FOXP1: variants seen among roughly 807,000 people sequenced by gnomAD.
FOXP1 encodes forkhead box P1.
Under a neutral mutation model 98.2 loss-of-function variants are expected in FOXP1, and 15 were observed. That is an observed-to-expected ratio of 0.15 (90% CI 0.10 to 0.24). FOXP1 has a LOEUF of 0.24. FOXP1 is among the 10% of genes least tolerant of loss of function. The probability of loss-of-function intolerance (pLI) is 1.00; values close to 1 mark genes in which losing one functional copy is unlikely to be tolerated. For missense variants in FOXP1, 633 were observed against 848.5 expected (o/e 0.75, Z 3.15); for synonymous variants, 371 against 314.5 (o/e 1.18, Z -1.90).
At chr3:70,969,089 T>C (rs918546160) in intron 19 of FOXP1, 2 of 151,282 alleles carry the variant, frequency 1.3e-5, no homozygotes, top group African/African-American at 2.4e-5. Context: ...ATTAGTCACA[T>C]AGTTAAGAGA....
intron 2 of FOXP1, among the ~76,000 whole-genome samples, chr3:71,563,759 C>T (rs1021076082): frequency 1.3e-5 from 2 of 152,176 alleles, no homozygotes; most frequent in South Asian, 2.1e-4. Context: ...CAAGGTGGAA[C>T]GTCAAAGACA....
chr3:71,027,469 A>G lies in FOXP1; in HGVS notation c.870-11816T>C, dbSNP rs557813380. Among the ~76,000 whole-genome samples, 3 of 152,296 alleles carry G rather than the reference A, an allele frequency of 2.0e-5. No homozygotes were observed. The South Asian group carries it at 6.2e-4, about 32-fold the overall frequency. ...GGCACTTGCTTATGTATTTCCTTAGAATTACTCCCTACTTTATGTAATTAC... is the reference window on the plus strand; with the variant it reads ...GGCACTTGCTTATGTATTTCCTTAGGATTACTCCCTACTTTATGTAATTAC... On this transcript the variant is annotated intron_variant, in intron 11 of 20. Coordinates refer to ENST00000649528, the MANE Select transcript of FOXP1 (RefSeq NM_001349338.3).
At chr3:71,117,913 C>T (rs1352408746) in intron 6 of FOXP1, among the ~76,000 whole-genome samples, 1 of 152,148 alleles carries the variant, frequency 6.6e-6, no homozygotes, top group Non-Finnish European at 1.5e-5. Context: ...GCACTTAGAG[C>T]CCAGTTGCAC....
At chr3:71,100,574 A>G (rs1442394427) in intron 7 of FOXP1, among the ~76,000 whole-genome samples, 1 of 152,220 alleles carries the variant, frequency 6.6e-6, no homozygotes, top group Non-Finnish European at 1.5e-5. Context: ...CCTTCACATC[A>G]TGTGGTTTTT....
intron 7 of FOXP1, among the ~76,000 whole-genome samples, chr3:71,063,849 T>C (rs776795004): frequency 5.3e-5 from 8 of 152,212 alleles, no homozygotes; most frequent in African/African-American, 1.7e-4. Flanking sequence ...AAGGAGTTAA[T>C]CCCAAAGAGG....
At position 71,042,032 on chromosome 3, in the gene FOXP1, T is replaced by A. The variant is rs184815190; in HGVS notation, c.665-500A>T. ...TTTAGACATAAATTATGAATTCATATCGTCTTCCTGAAATGCTTTTCAACT... is the reference window on the plus strand; with the variant it reads ...TTTAGACATAAATTATGAATTCATAACGTCTTCCTGAAATGCTTTTCAACT... On this transcript the variant is annotated intron_variant, in intron 10 of 20. Transcript: ENST00000649528. 2.2e-3 allele frequency among the ~76,000 whole-genome samples: 338 copies of A among 152,336 alleles called. 3 individuals carry two copies. The highest frequency in any genetic ancestry group is 2.7e-3 in the Non-Finnish European group (185 of 68,036).
intron 5 of FOXP1, among the ~76,000 whole-genome samples, chr3:71,265,324 A>C (rs540620309): frequency 2.0e-5 from 3 of 152,338 alleles, no homozygotes; most frequent in South Asian, 4.1e-4. Flanking sequence ...ATAAGAAAGA[A>C]AAGAGAAGGG....
At chr3:71,368,008 T>C (rs1373695320) in intron 3 of FOXP1, among the ~76,000 whole-genome samples, 1 of 152,252 alleles carries the variant, frequency 6.6e-6, no homozygotes, top group East Asian at 1.9e-4. Context: ...GTTGAATATT[T>C]CATTTGATGA....
chr3:71,273,971 T>C (rs2070648683), intron 5 of FOXP1, among the ~76,000 whole-genome samples: 1 of 152,214 alleles, frequency 6.6e-6, no homozygotes, highest in Admixed American at 6.5e-5. Context: ...CCCAATCCTC[T>C]AACATGTCTA....
chr3:70,991,960 C>T (rs1457581458), intron 13 of FOXP1, among the ~76,000 whole-genome samples: 1 of 152,116 alleles, frequency 6.6e-6, no homozygotes, highest in East Asian at 1.9e-4. Context: ...ACTACTGTTC[C>T]TAGAGTTAGA....
chr3:71,273,504 C>T (rs1161797134), intron 5 of FOXP1, among the ~76,000 whole-genome samples: 1 of 152,214 alleles, frequency 6.6e-6, no homozygotes, highest in African/African-American at 2.4e-5. Flanking sequence ...TGTTTTCTAG[C>T]ACAAAAGTTG....
intron 5 of FOXP1, among the ~76,000 whole-genome samples, chr3:71,285,280 G>C (rs1270285310): frequency 1.3e-5 from 2 of 152,188 alleles, no homozygotes; most frequent in South Asian, 4.1e-4. Flanking sequence ...TCATTTGTAT[G>C]AATCAGTCGC....
Position 71,120,290 on chromosome 3 carries a change from T to C in FOXP1, c.181-7653A>G, listed in dbSNP as rs1268127115. Among the ~76,000 whole-genome samples the C allele has an allele frequency of 5.9e-5, 9 of 152,298 alleles. No individual in the cohort carries two copies. In the East Asian group the frequency reaches 1.7e-3, roughly 29 times the overall value. ...GACTCAACCCCAAAAGCAGGTGCAG[T>C]AGACAGCCAAGTCTTACATCAACTG... On this transcript the variant is annotated intron_variant, in intron 6 of 20. Transcript: ENST00000649528.
chr3:71,119,919 T>C (rs2058639967), intron 6 of FOXP1, among the ~76,000 whole-genome samples: 1 of 152,240 alleles, frequency 6.6e-6, no homozygotes. Context: ...ATTTTACAAA[T>C]AGAACATTTG....
chr3:71,523,809 T>C (rs1302488711), intron 2 of FOXP1, among the ~76,000 whole-genome samples: 1 of 152,178 alleles, frequency 6.6e-6, no homozygotes, highest in Non-Finnish European at 1.5e-5. Flanking sequence ...TGTGACTGAA[T>C]TCACCTTTCA....
At chr3:71,170,273 C>G (rs911699519) in intron 6 of FOXP1, among the ~76,000 whole-genome samples, 1 of 152,136 alleles carries the variant, frequency 6.6e-6, no homozygotes, top group Non-Finnish European at 1.5e-5. Flanking sequence ...GTATATATCA[C>G]AACAATGACG....
chr3:71,370,787 T>G (rs898074366), intron 3 of FOXP1, among the ~76,000 whole-genome samples: 1 of 138,532 alleles, frequency 7.2e-6, no homozygotes, highest in South Asian at 2.4e-4. Context: ...AACCCTAGAG[T>G]TTTTTTTGTT....
At chr3:71,072,224 C>A (rs1407097156) in intron 7 of FOXP1, among the ~76,000 whole-genome samples, 1 of 152,122 alleles carries the variant, frequency 6.6e-6, no homozygotes, top group Non-Finnish European at 1.5e-5. Flanking sequence ...GAGGCTGAGG[C>A]AGGAGGATCG....
chr3:71,119,425 C>T (rs1439859640), intron 6 of FOXP1, among the ~76,000 whole-genome samples: 2 of 152,162 alleles, frequency 1.3e-5, no homozygotes, highest in African/African-American at 2.4e-5. Context: ...CTCTCCACCC[C>T]TCAAGATCAA....
Sources: allele counts gnomAD v4.1 joint callset (sites outside exome capture counted in the v4.1 genomes callset), GRCh38; gene constraint gnomAD v4.1.1; transcripts MANE v1.5; gene names NCBI Gene and HGNC (gene_info 2026-07-23, HGNC 2026-07-21).